ZNF618: variants seen among roughly 807,000 people sequenced by gnomAD.
ZNF618 encodes the protein zinc finger protein 618, also known as neural precursor cell expressed, developmentally down-regulated 10.
In ZNF618, 34 loss-of-function variants were observed where a neutral mutation model predicts 103.0. That is an observed-to-expected ratio of 0.33 (90% CI 0.25 to 0.44). The LOEUF (loss-of-function observed/expected upper bound fraction) is 0.44. Ranked by LOEUF, ZNF618 falls within the 20% of genes least tolerant of loss-of-function variation. The pLI is 1.00. For synonymous variants in ZNF618, 551 were observed against 542.2 expected, an observed-to-expected ratio of 1.02 and a Z score of -0.23; for missense variants, 1,059 against 1,295.4, an observed-to-expected ratio of 0.82 and a Z score of 2.80.
At chr9:113,951,785 A>C (rs1354681738) in intron 1 of ZNF618, among the ~76,000 whole-genome samples, 1 of 151,728 alleles carries the variant, frequency 6.6e-6, no homozygotes, top group Non-Finnish European at 1.5e-5. Flanking sequence ...AAGGAGAACA[A>C]GTGTGGTTCT....
At chr9:113,998,798 A>G (rs1213181819) in intron 4 of ZNF618, among the ~76,000 whole-genome samples, 1 of 152,128 alleles carries the variant, frequency 6.6e-6, no homozygotes, top group African/African-American at 2.4e-5. Flanking sequence ...TCCCTCATGC[A>G]CTCTTGGCCA....
At chr9:113,897,693 A>T (rs537906037) in intron 1 of ZNF618, among the ~76,000 whole-genome samples, 2 of 151,964 alleles carry the variant, frequency 1.3e-5, no homozygotes, top group South Asian at 2.1e-4. Flanking sequence ...TTAGTTTTAT[A>T]TGTGTTTCCC....
In ZNF618 at chr9:114,053,353, G is replaced by C. The variant is rs1846252385; in HGVS notation, c.*3186G>C. 1 of 152,352 alleles carries C rather than the reference G, an allele frequency of 6.6e-6. No homozygotes were observed. The highest frequency in any genetic ancestry group is 2.1e-4 in the South Asian group (1 of 4,832). The allele number at this position is 152,352 out of a possible 1,614,324, so 9.4% of individuals were successfully genotyped here. ...TCTGCCTCCCAGTTCTGGGTCCACT[G>C]TAGGTCTTTCCATCACAAGCCTTTG... On this transcript the variant is annotated 3_prime_UTR_variant, in exon 15 of 15. Coordinates refer to ENST00000374126, the MANE Select transcript of ZNF618 (RefSeq NM_001318042.2).
intron 1 of ZNF618, among the ~76,000 whole-genome samples, chr9:113,906,355 C>T (rs772675918): frequency 2.0e-5 from 3 of 152,172 alleles, no homozygotes; most frequent in Non-Finnish European, 4.4e-5. Flanking sequence ...GAAAGGGCTT[C>T]TCCTGGCTGT....
intron 1 of ZNF618, among the ~76,000 whole-genome samples, chr9:113,931,630 G>A (rs1833596540): frequency 6.6e-6 from 1 of 152,154 alleles, no homozygotes. Context: ...AGCCACATGG[G>A]GCTGTTGAGC....
At chr9:114,016,003 C>T (rs1564301455) in intron 9 of ZNF618, 5 of 1,038,768 alleles carry the variant, frequency 4.8e-6, no homozygotes, top group Non-Finnish European at 7.2e-6. Flanking sequence ...GGGCACCCTC[C>T]CCCAAGGGGG....
At chr9:114,041,760 T>C (rs1271277516) in intron 13 of ZNF618, among the ~76,000 whole-genome samples, 1 of 152,132 alleles carries the variant, frequency 6.6e-6, no homozygotes, top group South Asian at 2.1e-4. Flanking sequence ...AGTCAGGTAG[T>C]GTGAGGCCTC....
At chr9:114,014,402 A>G (rs1038293040) in intron 9 of ZNF618, among the ~76,000 whole-genome samples, 7 of 152,198 alleles carry the variant, frequency 4.6e-5, no homozygotes, top group Non-Finnish European at 1.0e-4. Flanking sequence ...ATAGCACTGC[A>G]TATGTCTCCT....
chr9:114,010,136 C>A (rs1346514582), intron 9 of ZNF618, among the ~76,000 whole-genome samples: 3 of 151,852 alleles, frequency 2.0e-5, no homozygotes, highest in Non-Finnish European at 4.4e-5. Context: ...ATGGCGAAAC[C>A]CCGTCACTAC....
At chr9:114,006,928 G>T (rs1841804259) in intron 6 of ZNF618, among the ~76,000 whole-genome samples, 1 of 152,174 alleles carries the variant, frequency 6.6e-6, no homozygotes, top group Non-Finnish European at 1.5e-5. Context: ...TCACAACCCA[G>T]CAGCCAGCAG....
chr9:113,999,555 G>T (rs1045869033), intron 4 of ZNF618, among the ~76,000 whole-genome samples: 1 of 152,208 alleles, frequency 6.6e-6, no homozygotes, highest in African/African-American at 2.4e-5. Flanking sequence ...CTTCTGTGGG[G>T]TGACACCTGC....
chr9:113,884,223 C>T (rs1043532658), intron 1 of ZNF618, among the ~76,000 whole-genome samples: 5 of 152,196 alleles, frequency 3.3e-5, no homozygotes, highest in African/African-American at 1.2e-4. Flanking sequence ...AACAGCGGAG[C>T]ACCAGTTTGA....
intron 1 of ZNF618, among the ~76,000 whole-genome samples, chr9:113,917,323 G>A (rs1186462661): frequency 8.2e-6 from 1 of 121,872 alleles, no homozygotes; most frequent in African/African-American, 3.1e-5. Context: ...TCCACTCATT[G>A]TACTCACTAC....
intron 4 of ZNF618, 106 bp from the exon 5 acceptor site, chr9:114,001,890 C>T (rs1269887265): frequency 2.1e-6 from 2 of 955,634 alleles, no homozygotes; most frequent in Non-Finnish European, 3.4e-6. Context: ...ACCATCTCTG[C>T]CCCTGGGACA....
intron 1 of ZNF618, among the ~76,000 whole-genome samples, chr9:113,896,038 A>AT (rs11426967): frequency 0.23 from 33,730 of 145,358 alleles, 3,962 homozygotes; most frequent in Admixed American, 0.26. Flanking sequence ...TCCTAAACTG[A>AT]TTTTTTTTGT....
rs1304796155 is a variant in ZNF618, at chr9:114,052,783, A to G, written c.*2616A>G. The stretch of plus-strand genomic sequence containing the variant: ...TGGGCCAGTTGATTAGAAAATAGGC[A>G]TTTCACTTTCTTGGAAAGCCATCGG... On this transcript the variant is annotated 3_prime_UTR_variant, in exon 15 of 15. Coordinates refer to ENST00000374126, the MANE Select transcript of ZNF618 (RefSeq NM_001318042.2). The G allele has an allele frequency of 6.6e-6, 1 of 152,140 alleles. No individual in the cohort carries two copies. The highest frequency in any genetic ancestry group is 1.5e-5 in the Non-Finnish European group (1 of 68,030). The allele number at this position is 152,140 out of a possible 1,614,324, so 9.4% of individuals were successfully genotyped here. A position where few individuals can be genotyped will look rare whatever the true frequency, so the allele number is the denominator to read the frequency against.
intron 1 of ZNF618, among the ~76,000 whole-genome samples, chr9:113,882,546 C>T (rs1451112860): frequency 6.6e-6 from 1 of 152,140 alleles, no homozygotes; most frequent in Non-Finnish European, 1.5e-5. Context: ...AACCTGGTGG[C>T]TTATCGTTAG....
intron 1 of ZNF618, among the ~76,000 whole-genome samples, chr9:113,889,193 T>C (rs1357791222): frequency 6.6e-6 from 1 of 152,210 alleles, no homozygotes; most frequent in Non-Finnish European, 1.5e-5. Context: ...AGGGTCTTTC[T>C]GTGGTTGTGG....
intron 1 of ZNF618, among the ~76,000 whole-genome samples, chr9:113,882,399 G>T (rs1456320641): frequency 6.6e-6 from 1 of 152,182 alleles, no homozygotes; most frequent in East Asian, 1.9e-4. Flanking sequence ...AAATGAAGGG[G>T]TCACATGTGG....
Sources: gnomAD v4.1 joint callset for allele counts (sites outside exome capture counted in the v4.1 genomes callset) on GRCh38, gnomAD v4.1.1 for gene constraint, MANE v1.5 for transcripts, NCBI Gene and HGNC (gene_info 2026-07-23, HGNC 2026-07-21) for gene names.